The following MAP3K2 variants were observed in gnomAD, a reference collection of about 807,000 sequenced individuals.
The protein encoded by MAP3K2 is mitogen-activated protein kinase kinase kinase 2.
In MAP3K2, 24 loss-of-function variants were observed where a neutral mutation model predicts 80.3. The observed-to-expected ratio is 0.30, with a 90% CI of 0.22 to 0.42. The LOEUF (loss-of-function observed/expected upper bound fraction) is 0.42, where lower values mean the gene tolerates loss of function less well. Among genes scored for constraint, MAP3K2 ranks in the 10% least tolerant of loss-of-function variants. The probability of loss-of-function intolerance (pLI) is 1.00; values close to 1 mark genes in which losing one functional copy is unlikely to be tolerated. For synonymous variants in MAP3K2, 244 were observed against 253.7 expected (o/e 0.96, Z 0.36); for missense variants, 608 against 750.1 (o/e 0.81, Z 2.21).
intron 1 of MAP3K2, among the ~76,000 whole-genome samples, chr2:127,377,020 C>A (rs1687163733): frequency 1.3e-5 from 2 of 151,300 alleles, no homozygotes; most frequent in South Asian, 4.2e-4. Flanking sequence ...GTGATCCTGA[C>A]ACTGCACTCC....
chr2:127,329,963 T>C lies in MAP3K2; in HGVS notation c.424A>G (p.Thr142Ala), dbSNP rs1314625787. Residue 142 changes from threonine to alanine, a missense_variant, in exon 7 of 17, where the codon ACA becomes GCA. This residue lies in a region of MAP3K2 where 467 missense variants were observed against 521.9 expected (regional missense o/e 0.89). Transcript: ENST00000682094. ...TTTTTCCTCTCTGCTCCAAATACTG[T>C]ATTATCCAAATCTTCTAGTGATGGC... ...PLPSLEDLDN[T>A]VFGAERKKRL... 6.2e-7 allele frequency: 1 copy of C among 1,610,088 alleles called. No homozygotes were observed. The highest frequency in any genetic ancestry group is 8.5e-7 in the Non-Finnish European group (1 of 1,176,894).
rs1412175132 is a variant in MAP3K2 at position 127,337,584 on chromosome 2, A to C, written c.164+154T>G. ...ATTTTGACATATTTTATCTATCTTA[A>C]GTCTAAGCACATTACACATTCCCAA... is the stretch of plus-strand genomic sequence containing the variant. On this transcript the variant is annotated intron_variant, in intron 4 of 16. Transcript: ENST00000682094. Among the ~76,000 whole-genome samples the C allele has an allele frequency of 1.3e-5, 2 of 152,252 alleles. No homozygotes were observed. Among genetic ancestry groups the C allele is most frequent in the Admixed American group, 6.5e-5 (1 of 15,286 alleles).
rs573412317 is a variant in MAP3K2 at position 127,384,536 on chromosome 2, G to C, written c.-66+2916C>G. ...GATTCCAGCCCTCATGGATGACTTT[G>C]AGGGGTTTAAGACTTCAGTGGAGGA... is the stretch of plus-strand genomic sequence containing the variant. On this transcript the variant is annotated intron_variant, in intron 1 of 16. Transcript: ENST00000682094. 3.9e-5 allele frequency among the ~76,000 whole-genome samples: 6 copies of C among 152,288 alleles called. No individual in the cohort carries two copies. In the East Asian group the frequency reaches 9.6e-4, roughly 24 times the overall value.
In MAP3K2 at chr2:127,321,903, A is replaced by C; in HGVS notation, c.1045+143T>G. 1 of 673,394 alleles carries C rather than the reference A, an allele frequency of 1.5e-6. No homozygotes were observed. The highest frequency in any genetic ancestry group is 2.6e-6 in the Non-Finnish European group (1 of 391,242). 41.7% of individuals were successfully genotyped at this position (673,394 alleles called of 1,614,324 possible). The stretch of plus-strand genomic sequence containing the variant: ...TACCATGCTTATACCTGACATTCCA[A>C]CCACCTTTAGAAACACCATTATTAC... On this transcript the variant is annotated intron_variant, in intron 12 of 16. Coordinates refer to ENST00000682094, the MANE Select transcript of MAP3K2 (RefSeq NM_001371910.2). The surrounding 1 kb of genome is among the most constrained non-coding windows in gnomAD (Gnocchi z 4.4).
At chr2:127,312,964 T>C (rs1051626104) in intron 15 of MAP3K2, among the ~76,000 whole-genome samples, 2 of 150,412 alleles carry the variant, frequency 1.3e-5, no homozygotes, top group Admixed American at 1.3e-4. Context: ...TGAATCTCTC[T>C]TAAAAAAAAA....
Position 127,364,789 on chromosome 2 carries a change from C to T in MAP3K2, c.-65-21595G>A, listed in dbSNP as rs994162201. ...CCTCATCTTTAAAAATATACCCCTC[C>T]TATTTCTCAATCTCTTCTCATTACT... On this transcript the variant is annotated intron_variant, in intron 1 of 16. Coordinates refer to ENST00000682094, the MANE Select transcript of MAP3K2 (RefSeq NM_001371910.2). This position sits in a 1 kb window ranked among gnomAD's most constrained non-coding sequence, Gnocchi z 4.1. Among the ~76,000 whole-genome samples the T allele has an allele frequency of 2.3e-4, 35 of 152,040 alleles. 1 individual carries two copies. The highest frequency in any genetic ancestry group is 8.5e-4 in the African/African-American group (35 of 41,376).
intron 1 of MAP3K2, among the ~76,000 whole-genome samples, chr2:127,350,363 A>C (rs1051415169): frequency 6.6e-6 from 1 of 151,530 alleles, no homozygotes; most frequent in African/African-American, 2.4e-5. Flanking sequence ...GCTACTCAGG[A>C]GACTGAGGCA....
At chr2:127,360,556 T>C (rs768879570) in intron 1 of MAP3K2, among the ~76,000 whole-genome samples, 2 of 152,204 alleles carry the variant, frequency 1.3e-5, no homozygotes, top group Non-Finnish European at 2.9e-5. Flanking sequence ...TTTGCCATAA[T>C]TATATACTTC....
intron 7 of MAP3K2, 69 bp downstream of exon 7, chr2:127,329,852 C>T: frequency 2.4e-6 from 2 of 836,056 alleles, no homozygotes; most frequent in Non-Finnish European, 4.1e-6. Flanking sequence ...TTAGGTGCCA[C>T]ACTACATTAA....
chr2:127,353,419 C>G (rs868417013), intron 1 of MAP3K2, among the ~76,000 whole-genome samples: 2 of 151,898 alleles, frequency 1.3e-5, no homozygotes, highest in Middle Eastern at 3.4e-3. Context: ...GACCCTCCGC[C>G]CGGCAGCCGC....
chr2:127,372,791 G>A (rs1687088272), intron 1 of MAP3K2, among the ~76,000 whole-genome samples: 1 of 152,112 alleles, frequency 6.6e-6, no homozygotes, highest in Non-Finnish European at 1.5e-5. Context: ...AACAGCCCGT[G>A]AATTAGTTGA....
At chr2:127,343,250 G>T (rs773067685) in intron 1 of MAP3K2, 56 bp from the exon 2 acceptor site, 12 of 670,096 alleles carry the variant, frequency 1.8e-5, no homozygotes, top group Non-Finnish European at 2.7e-5. Context: ...AAGGAGCCAG[G>T]AAAAGAAAAA....
chr2:127,343,576 C>T (rs1363508722), intron 1 of MAP3K2, among the ~76,000 whole-genome samples: 1 of 151,840 alleles, frequency 6.6e-6, no homozygotes, highest in Non-Finnish European at 1.5e-5. Context: ...TCTATATAAA[C>T]AGCAATAGGA....
chr2:127,329,149 TTAATTA>T (rs1166774331), intron 7 of MAP3K2, among the ~76,000 whole-genome samples: 5 of 152,132 alleles, frequency 3.3e-5, no homozygotes, highest in African/African-American at 4.8e-5. Flanking sequence ...TATCATAATC[TTAATTA>T]TAACAATAAA....
intron 15 of MAP3K2, 48 bp from the exon 16 acceptor site, chr2:127,308,810 G>C: frequency 1.3e-6 from 2 of 1,558,934 alleles, no homozygotes; most frequent in Non-Finnish European, 1.8e-6. Context: ...TGGCAGTCTC[G>C]AATATAGCAT....
chr2:127,351,652 C>T lies in MAP3K2; in HGVS notation c.-65-8458G>A, dbSNP rs190641446. Among the ~76,000 whole-genome samples the T allele has an allele frequency of 1.3e-3, 202 of 152,210 alleles. 3 individuals are homozygous for T. Among genetic ancestry groups the T allele is most frequent in the African/African-American group, 4.1e-3 (169 of 41,472 alleles). ...CCATAATCCTCTCTTGCATGGATTA[C>T]TGAAATAGTTTCATATCTGATCAAC... On this transcript the variant is annotated intron_variant, in intron 1 of 16. Transcript: ENST00000682094.
chr2:127,340,386 C>T lies in MAP3K2; in HGVS notation c.5-1336G>A, dbSNP rs138479694. 2.3e-3 allele frequency among the ~76,000 whole-genome samples: 354 copies of T among 152,260 alleles called. 1 individual carries two copies. The highest frequency in any genetic ancestry group is 7.7e-3 in the African/African-American group (321 of 41,554). ...AAGAAGGTAAATCCTTGGCCAGGCA[C>T]AATGGCTCAAGCCTGTAATCCCAAC... On this transcript the variant is annotated intron_variant, in intron 2 of 16. Coordinates refer to ENST00000682094, the MANE Select transcript of MAP3K2 (RefSeq NM_001371910.2).
At chr2:127,308,383 G>A (rs962487509) in intron 16 of MAP3K2, among the ~76,000 whole-genome samples, 3 of 152,186 alleles carry the variant, frequency 2.0e-5, no homozygotes, top group Admixed American at 6.5e-5. Context: ...CCTAAAGAAT[G>A]GAGGACAGGT....
rs187502852 is a variant in MAP3K2, at chr2:127,378,673, T to C, written c.-66+8779A>G. Among the ~76,000 whole-genome samples the C allele has an allele frequency of 5.9e-5, 9 of 152,350 alleles. 1 individual carries two copies. Among genetic ancestry groups the C allele is most frequent in the Admixed American group, 4.6e-4 (7 of 15,304 alleles). On this transcript the variant is annotated intron_variant, in intron 1 of 16. Coordinates refer to ENST00000682094, the MANE Select transcript of MAP3K2 (RefSeq NM_001371910.2). The stretch of plus-strand genomic sequence containing the variant: ...TTAAATCAGGTACAGGTGAATCAAC[T>C]GTAAAAGACTAGGAGGAAAAAATCA...
Sources: gnomAD v4.1 joint callset for allele counts (sites outside exome capture counted in the v4.1 genomes callset) on GRCh38, gnomAD v4.1.1 for gene constraint, gnomAD v4.1.1 regional missense constraint, Gnocchi (gnomAD v3.1) non-coding constraint, MANE v1.5 for transcripts, NCBI Gene and HGNC (gene_info 2026-07-23, HGNC 2026-07-21) for gene names.